FOCAD: variants seen among roughly 807,000 people sequenced by gnomAD.
FOCAD encodes KIAA1797.
A neutral mutation model predicts 225.6 loss-of-function variants in FOCAD; 198 were observed. The observed-to-expected ratio is 0.88, with a 90% confidence interval of 0.78 to 0.99. The LOEUF (loss-of-function observed/expected upper bound fraction) is 0.99. FOCAD is among the 50% of genes least tolerant of loss of function. FOCAD has a pLI of 0.00. For missense variants in FOCAD, 2,713 were observed against 2,123.6 expected (o/e 1.28, Z -5.46); for synonymous variants, 897 against 755.0 (o/e 1.19, Z -3.08).
chr9:20,793,905 A>G (rs1820795419), intron 11 of FOCAD, among the ~76,000 whole-genome samples: 1 of 152,138 alleles, frequency 6.6e-6, no homozygotes, highest in South Asian at 2.1e-4. Flanking sequence ...TTTAGTGGAG[A>G]GGGAAGGGCG....
intron 11 of FOCAD, among the ~76,000 whole-genome samples, chr9:20,804,893 T>G (rs1822249536): frequency 6.6e-6 from 1 of 152,164 alleles, no homozygotes; most frequent in African/African-American, 2.4e-5. Context: ...AAAAATCACA[T>G]TATTCTTTTC....
intron 19 of FOCAD, among the ~76,000 whole-genome samples, chr9:20,879,957 ATTAC>A (rs1830532229): frequency 6.6e-6 from 1 of 152,162 alleles, no homozygotes; most frequent in South Asian, 2.1e-4. Context: ...AAAGGAAGAA[ATTAC>A]TTTCTTTCAT....
At chr9:20,873,282 A>T (rs1410058705) in intron 18 of FOCAD, among the ~76,000 whole-genome samples, 2 of 152,190 alleles carry the variant, frequency 1.3e-5, no homozygotes, top group Non-Finnish European at 1.5e-5. Context: ...AGAAGAACTC[A>T]GAACCAACTT....
rs772904307 is a variant in FOCAD at position 20,821,059 on chromosome 9, T to C, written c.1781T>C (p.Ile594Thr). 5 of 1,612,452 alleles carry C rather than the reference T, an allele frequency of 3.1e-6. No individual in the cohort carries two copies. Among genetic ancestry groups the C allele is most frequent in the African/African-American group, 1.3e-5 (1 of 74,930 alleles). The change falls in exon 14 of 44, where the codon ATA becomes ACA. Residue 594 changes from isoleucine (I) to threonine (T), a missense_variant. Transcript: ENST00000338382. ...GCAAAAGCAGCATCAATCAGAGATATATGTAAGCAGAGGTATGATGTCATT... is the reference window on the plus strand; with the variant it reads ...GCAAAAGCAGCATCAATCAGAGATACATGTAAGCAGAGGTATGATGTCATT... ...LIAKAASIRD[I>T]CKQRPYQHGA...
At chr9:20,662,310 G>A (rs1040361958) in intron 2 of FOCAD, among the ~76,000 whole-genome samples, 3 of 152,090 alleles carry the variant, frequency 2.0e-5, no homozygotes, top group African/African-American at 7.2e-5. Flanking sequence ...TGTGGAGAAC[G>A]TAGTCTGCAC....
chr9:20,731,442 T>G (rs1826694823), intron 4 of FOCAD, among the ~76,000 whole-genome samples: 1 of 151,970 alleles, frequency 6.6e-6, no homozygotes, highest in Non-Finnish European at 1.5e-5. Flanking sequence ...TTCATATTAT[T>G]TTGTAAAAAA....
intron 42 of FOCAD, among the ~76,000 whole-genome samples, chr9:20,991,745 G>A (rs1372871066): frequency 3.3e-5 from 5 of 150,552 alleles, no homozygotes; most frequent in East Asian, 3.9e-4. Flanking sequence ...CGCAGGAGGC[G>A]GAGGTTGCAG....
At chr9:20,889,240 T>A (rs1306697179) in intron 21 of FOCAD, among the ~76,000 whole-genome samples, 2 of 152,234 alleles carry the variant, frequency 1.3e-5, no homozygotes, top group East Asian at 3.8e-4. Context: ...ACATGGTTTT[T>A]AATGTCTGGC....
At chr9:20,785,073 T>G (rs1229245523) in intron 10 of FOCAD, among the ~76,000 whole-genome samples, 1 of 152,146 alleles carries the variant, frequency 6.6e-6, no homozygotes, top group Non-Finnish European at 1.5e-5. Context: ...CAGGCTTCAT[T>G]TTAAGTACTT....
chr9:20,687,371 T>C (rs936390191), intron 1 of FOCAD, among the ~76,000 whole-genome samples: 11 of 152,246 alleles, frequency 7.2e-5, no homozygotes, highest in African/African-American at 2.4e-4. Flanking sequence ...CTGATACATA[T>C]GTTGAACAAA....
chr9:20,714,106 A>G (rs1310431841), intron 1 of FOCAD, among the ~76,000 whole-genome samples: 1 of 152,198 alleles, frequency 6.6e-6, no homozygotes, highest in African/African-American at 2.4e-5. Context: ...TTTATCTGAA[A>G]TGCTCGGGAC....
intron 6 of FOCAD, among the ~76,000 whole-genome samples, chr9:20,761,620 C>T (rs768044193): frequency 6.6e-6 from 1 of 151,980 alleles, no homozygotes; most frequent in Non-Finnish European, 1.5e-5. Flanking sequence ...TGAGGTTTCA[C>T]TGTGTTAGCT....
intron 37 of FOCAD, among the ~76,000 whole-genome samples, chr9:20,978,887 A>G (rs1840440901): frequency 6.6e-6 from 1 of 152,218 alleles, no homozygotes; most frequent in Non-Finnish European, 1.5e-5. Context: ...AAGGTGGGCC[A>G]TGATTTGGTT....
intron 35 of FOCAD, among the ~76,000 whole-genome samples, chr9:20,971,281 C>CA (rs1272089129): frequency 2.0e-5 from 3 of 152,246 alleles, no homozygotes; most frequent in Admixed American, 2.0e-4. Context: ...TCTGTAACCA[C>CA]AAAATCAAAA....
intron 1 of FOCAD, among the ~76,000 whole-genome samples, chr9:20,702,308 T>C (rs1040406231): frequency 6.6e-6 from 1 of 152,086 alleles, no homozygotes; most frequent in Non-Finnish European, 1.5e-5. Flanking sequence ...ATCACTATGT[T>C]GCCTAGGTTG....
intron 21 of FOCAD, among the ~76,000 whole-genome samples, chr9:20,902,313 TCATTCAA>T (rs1330614393): frequency 6.6e-6 from 1 of 151,846 alleles, no homozygotes; most frequent in Non-Finnish European, 1.5e-5. Flanking sequence ...GGAAAATCGG[TCATTCAA>T]GGAAGAGGAA....
intron 8 of FOCAD, among the ~76,000 whole-genome samples, chr9:20,774,062 A>T (rs558288458): frequency 1.3e-5 from 2 of 152,282 alleles, no homozygotes; most frequent in East Asian, 3.9e-4. Flanking sequence ...CATGCGAGGG[A>T]TCTAGGTTGT....
chr9:20,901,757 A>ATTAAAGCT (rs1554720303), intron 21 of FOCAD, among the ~76,000 whole-genome samples: 1 of 151,936 alleles, frequency 6.6e-6, no homozygotes, highest in Non-Finnish European at 1.5e-5. Context: ...AATATACTTA[A>ATTAAAGCT]TTAAAGCTTA....
intron 21 of FOCAD, among the ~76,000 whole-genome samples, chr9:20,905,386 C>T (rs1280842452): frequency 6.6e-6 from 1 of 151,852 alleles, no homozygotes; most frequent in Non-Finnish European, 1.5e-5. Context: ...CTTTTTTAAA[C>T]TCAAGTTTAA....
Sources: gnomAD v4.1 joint callset for allele counts (sites outside exome capture counted in the v4.1 genomes callset) on GRCh38, gnomAD v4.1.1 for gene constraint, MANE v1.5 for transcripts, NCBI Gene and HGNC (gene_info 2026-07-23, HGNC 2026-07-21) for gene names.